Variants in STK31 observed in about 807,000 individuals in gnomAD.
The protein encoded by STK31 is serine/threonine kinase 31.
Under a neutral mutation model 129.7 loss-of-function variants are expected in STK31, and 89 were observed. That is an observed-to-expected ratio of 0.69 (90% CI 0.58 to 0.82). STK31 has a LOEUF of 0.82. Among genes scored for constraint, STK31 ranks in the 40% least tolerant of loss-of-function variants. STK31 has a pLI of 0.00. For missense variants in STK31, 1,187 were observed against 1,176.4 expected, an observed-to-expected ratio of 1.01 and a Z score of -0.13; for synonymous variants, 448 against 395.3, an observed-to-expected ratio of 1.13 and a Z score of -1.58.
At chr7:23,763,954 T>C (rs992742389) in intron 11 of STK31, among the ~76,000 whole-genome samples, 1 of 152,290 alleles carries the variant, frequency 6.6e-6, no homozygotes, top group Non-Finnish European at 1.5e-5. Flanking sequence ...CTAATATCGA[T>C]CTTGTTGTGG....
At chr7:23,730,874 A>ATTTTTTTTT in intron 6 of STK31, among the ~76,000 whole-genome samples, 2 of 59,732 alleles carry the variant, frequency 3.3e-5, no homozygotes, top group South Asian at 8.6e-4. Context: ...ATATATATAT[A>ATTTTTTTTT]TATATTTTTT....
In STK31 at chr7:23,773,366, A is replaced by G. The variant is rs550239681; in HGVS notation, c.1965+1088A>G. ...TTTCATCCTTGTCCCTGCAAAGAAC[A>G]CGAACTCGTCCTTTTTTATAGCTGC... On this transcript the variant is annotated intron_variant, in intron 15 of 23. Transcript: ENST00000355870. 2.5e-3 allele frequency among the ~76,000 whole-genome samples: 382 copies of G among 152,292 alleles called. 2 individuals are homozygous for G. Among genetic ancestry groups the G allele is most frequent in the African/African-American group, 8.9e-3 (369 of 41,554 alleles).
chr7:23,736,836 C>G, intron 7 of STK31, 68 bp from the exon 8 acceptor site: 1 of 1,318,510 alleles, frequency 7.6e-7, no homozygotes, highest in East Asian at 2.6e-5. Context: ...ACCAAGATAA[C>G]TTAGATTTGT....
At chr7:23,797,527 A>C (rs1235953777) in intron 22 of STK31, among the ~76,000 whole-genome samples, 2 of 152,314 alleles carry the variant, frequency 1.3e-5, no homozygotes, top group African/African-American at 2.4e-5. Flanking sequence ...TAATTAACAA[A>C]ATTAAGGCAG....
intron 23 of STK31, among the ~76,000 whole-genome samples, chr7:23,830,700 A>G (rs1271766375): frequency 6.6e-6 from 1 of 151,146 alleles, no homozygotes; most frequent in Non-Finnish European, 1.5e-5. Context: ...TCTCACTGCA[A>G]CTTCTGCCTC....
At chr7:23,763,560 C>T (rs1242055587) in intron 11 of STK31, among the ~76,000 whole-genome samples, 1 of 151,878 alleles carries the variant, frequency 6.6e-6, no homozygotes, top group Non-Finnish European at 1.5e-5. Flanking sequence ...CTTTTTTCTT[C>T]ATTTAACTTT....
chr7:23,770,783 T>G (rs1386133846), intron 13 of STK31, among the ~76,000 whole-genome samples: 10 of 152,180 alleles, frequency 6.6e-5, no homozygotes, highest in Admixed American at 6.5e-4. Flanking sequence ...TTAAAAATTT[T>G]TTTTTAGGGA....
chr7:23,799,270 C>T (rs1326518953), intron 22 of STK31, among the ~76,000 whole-genome samples: 2 of 151,662 alleles, frequency 1.3e-5, no homozygotes, highest in African/African-American at 4.8e-5. Context: ...AACCAAAAAG[C>T]CCGTATAGCC....
At chr7:23,753,382 G>T (rs1788841872) in intron 9 of STK31, among the ~76,000 whole-genome samples, 1 of 151,984 alleles carries the variant, frequency 6.6e-6, no homozygotes, top group Non-Finnish European at 1.5e-5. Flanking sequence ...GGGTGAGTGT[G>T]CCCTGCAATG....
intron 22 of STK31, among the ~76,000 whole-genome samples, chr7:23,812,926 CACAT>C (rs1266407172): frequency 6.6e-6 from 1 of 152,024 alleles, no homozygotes; most frequent in Non-Finnish European, 1.5e-5. Flanking sequence ...TGTACTCACA[CACAT>C]ACATACACAC....
intron 23 of STK31, among the ~76,000 whole-genome samples, chr7:23,826,289 G>C (rs1218950756): frequency 6.6e-6 from 1 of 152,064 alleles, no homozygotes; most frequent in Non-Finnish European, 1.5e-5. Context: ...CTCCTGTATT[G>C]GGTGCATATA....
chr7:23,766,052 G>T (rs1789805791), intron 11 of STK31, among the ~76,000 whole-genome samples: 1 of 151,980 alleles, frequency 6.6e-6, no homozygotes, highest in African/African-American at 2.4e-5. Flanking sequence ...TTTATCTCTT[G>T]GCTTTCTCTG....
intron 22 of STK31, among the ~76,000 whole-genome samples, chr7:23,813,304 G>T (rs1793266105): frequency 6.6e-6 from 1 of 151,792 alleles, no homozygotes; most frequent in African/African-American, 2.4e-5. Context: ...TTACCTTAGA[G>T]AAATTATAAT....
intron 15 of STK31, among the ~76,000 whole-genome samples, chr7:23,777,193 T>C (rs4621700): frequency 0.15 from 22,810 of 152,158 alleles, 2,044 homozygotes; most frequent in East Asian, 0.22. Flanking sequence ...GAGACTTGTT[T>C]GTTATGATTT....
chr7:23,742,476 C>T (rs1350597159), intron 8 of STK31, among the ~76,000 whole-genome samples: 1 of 152,164 alleles, frequency 6.6e-6, no homozygotes, highest in Non-Finnish European at 1.5e-5. Flanking sequence ...CTGTGGGATT[C>T]TGTGTGGATT....
At chr7:23,764,176 A>G (rs1300452312) in intron 11 of STK31, among the ~76,000 whole-genome samples, 2 of 152,238 alleles carry the variant, frequency 1.3e-5, no homozygotes, top group African/African-American at 4.8e-5. Context: ...AGCCTTGCAT[A>G]TAAAAGGGCA....
intron 4 of STK31, 79 bp downstream of exon 4, chr7:23,717,658 T>C (rs1056285777): frequency 6.3e-6 from 7 of 1,108,018 alleles, no homozygotes; most frequent in Non-Finnish European, 9.2e-6. Context: ...TTTTTGGAGT[T>C]CCTGGTATAT....
intron 11 of STK31, among the ~76,000 whole-genome samples, chr7:23,767,865 C>T (rs1404505373): frequency 2.0e-5 from 3 of 152,144 alleles, no homozygotes; most frequent in Admixed American, 2.0e-4. Context: ...CATCCTCTGC[C>T]TAAGATTTCT....
chr7:23,722,822 A>T (rs1786806951), intron 4 of STK31: 1 of 152,532 alleles, frequency 6.6e-6, no homozygotes, highest in Non-Finnish European at 1.5e-5. Context: ...GCCGCCTTGC[A>T]GTTCATCTGA....
Sources: allele counts gnomAD v4.1 joint callset (sites outside exome capture counted in the v4.1 genomes callset), GRCh38; gene constraint gnomAD v4.1.1; transcripts MANE v1.5; gene names NCBI Gene and HGNC (gene_info 2026-07-23, HGNC 2026-07-21).